Variants in APBA1 observed in about 807,000 individuals in gnomAD.
APBA1 encodes amyloid-beta A4 precursor protein-binding family A member 1.
Under a neutral mutation model 86.6 loss-of-function variants are expected in APBA1, and 55 were observed. That is an observed-to-expected ratio of 0.64 (90% CI 0.51 to 0.80). The LOEUF is 0.80. APBA1 is among the 30% of genes least tolerant of loss of function. The probability of loss-of-function intolerance (pLI) is 0.00; values close to 1 mark genes in which losing one functional copy is unlikely to be tolerated. For missense variants in APBA1, 1,090 were observed against 1,183.0 expected (o/e 0.92, Z 1.15); for synonymous variants, 511 against 493.9 (o/e 1.03, Z -0.46).
At chr9:69,495,127 T>C (rs1835775124) in intron 2 of APBA1, among the ~76,000 whole-genome samples, 2 of 152,090 alleles carry the variant, frequency 1.3e-5, no homozygotes, top group African/African-American at 2.4e-5. Flanking sequence ...GCCTTTGCTC[T>C]GTCCTTACCA....
chr9:69,591,573 T>C (rs938851965), intron 1 of APBA1, among the ~76,000 whole-genome samples: 3 of 152,170 alleles, frequency 2.0e-5, no homozygotes, highest in Non-Finnish European at 1.5e-5. Flanking sequence ...AACCACCTGA[T>C]GGCAGGGCAC....
chr9:69,550,170 T>C (rs1836762411), intron 1 of APBA1, among the ~76,000 whole-genome samples: 1 of 152,220 alleles, frequency 6.6e-6, no homozygotes, highest in Non-Finnish European at 1.5e-5. Flanking sequence ...CTTTCATTTA[T>C]TTAGCTGTTT....
intron 2 of APBA1, among the ~76,000 whole-genome samples, chr9:69,483,149 A>G (rs1025304748): frequency 2.2e-4 from 33 of 150,308 alleles, no homozygotes; most frequent in Non-Finnish European, 1.5e-5. Context: ...AAAAACAAAA[A>G]AACGAAACAA....
At chr9:69,487,692 C>T (rs1260839186) in intron 2 of APBA1, among the ~76,000 whole-genome samples, 1 of 152,038 alleles carries the variant, frequency 6.6e-6, no homozygotes, top group East Asian at 1.9e-4. Context: ...TTGGCTGTCC[C>T]TCGTGAACCC....
At chr9:69,458,808 C>CTTTTTTTTTT (rs533176322) in intron 5 of APBA1, among the ~76,000 whole-genome samples, 1 of 140,480 alleles carries the variant, frequency 7.1e-6, no homozygotes, top group Admixed American at 7.1e-5. Flanking sequence ...CTTTTCTTTT[C>CTTTTTTTTTT]TTTTTTTTTT....
At chr9:69,653,148 G>A (rs1175235138) in intron 1 of APBA1, among the ~76,000 whole-genome samples, 1 of 152,048 alleles carries the variant, frequency 6.6e-6, no homozygotes, top group Non-Finnish European at 1.5e-5. Context: ...AAGAGCAGGA[G>A]TAGTTATACC....
intron 2 of APBA1, among the ~76,000 whole-genome samples, chr9:69,501,688 C>CATGATGGT (rs1259634131): frequency 6.6e-6 from 1 of 150,778 alleles, no homozygotes; most frequent in African/African-American, 2.4e-5. Flanking sequence ...ACTAGCTGGG[C>CATGATGGT]ATGATGGTAT....
At chr9:69,632,108 C>G (rs987417) in intron 1 of APBA1, among the ~76,000 whole-genome samples, 147,474 of 152,018 alleles carry the variant, frequency 0.97, 71,680 homozygotes, top group East Asian at 1. Flanking sequence ...AGCACCTTTT[C>G]TCTGAATAAC....
At chr9:69,514,817 G>A (rs935882657) in intron 2 of APBA1, among the ~76,000 whole-genome samples, 5 of 149,282 alleles carry the variant, frequency 3.3e-5, no homozygotes, top group Admixed American at 2.7e-4. Context: ...GACTGAGGTA[G>A]AATTGCTTGA....
chr9:69,450,056 G>GTTTTTTTTT (rs58417611), intron 9 of APBA1, among the ~76,000 whole-genome samples: 4 of 94,152 alleles, frequency 4.2e-5, no homozygotes, highest in African/African-American at 1.7e-4. Context: ...AGGACCACCA[G>GTTTTTTTTT]TTTTTTTTTT....
intron 1 of APBA1, among the ~76,000 whole-genome samples, chr9:69,666,791 A>C (rs1326657577): frequency 6.6e-6 from 1 of 152,220 alleles, no homozygotes; most frequent in Non-Finnish European, 1.5e-5. Flanking sequence ...GGTATGAATA[A>C]ATAGTTTTAA....
intron 1 of APBA1, among the ~76,000 whole-genome samples, chr9:69,617,910 G>A (rs1354778094): frequency 6.6e-6 from 1 of 152,058 alleles, no homozygotes; most frequent in Non-Finnish European, 1.5e-5. Flanking sequence ...CATAAAGCTA[G>A]CAGTGCTAAA....
rs1314089174 is a variant in APBA1, at chr9:69,516,779, G to A, written c.432C>T (p.Arg144=). ...GGAAGTGCAGGTGGTTGGGCAGCGC[G>A]CGGCGGTGCGTGGCCTCGGCGTGCT... ...EAEHAEATHR[R]ALPNHLHFHS... is the part of the protein sequence containing the mutation. Residue 144 remains arginine, a synonymous_variant, in exon 2 of 13, where the codon CGC becomes CGT. Coordinates refer to ENST00000265381, the MANE Select transcript of APBA1 (RefSeq NM_001163.4). The surrounding 1 kb of genome is among the most constrained non-coding windows in gnomAD (Gnocchi z 7.3). 3 of 1,610,992 alleles carry A rather than the reference G, an allele frequency of 1.9e-6. No individual in the cohort carries two copies. Among genetic ancestry groups the A allele is most frequent in the African/African-American group, 1.3e-5 (1 of 74,902 alleles).
intron 2 of APBA1, among the ~76,000 whole-genome samples, chr9:69,497,900 G>A (rs1835824890): frequency 6.6e-6 from 1 of 152,106 alleles, no homozygotes; most frequent in African/African-American, 2.4e-5. Context: ...GGTTGACAAG[G>A]TCAGTGGGAG....
At chr9:69,524,366 C>G (rs1393873696) in intron 1 of APBA1, among the ~76,000 whole-genome samples, 1 of 151,834 alleles carries the variant, frequency 6.6e-6, no homozygotes, top group African/African-American at 2.4e-5. Flanking sequence ...AAAGAAGATC[C>G]AAATAAATAC....
intron 7 of APBA1, 37 bp from the exon 8 acceptor site, chr9:69,456,469 AG>A: frequency 1.3e-6 from 2 of 1,539,004 alleles, no homozygotes; most frequent in Non-Finnish European, 1.7e-6. Flanking sequence ...AGTCCAGCTC[AG>A]CATCTAATGA....
intron 3 of APBA1, among the ~76,000 whole-genome samples, chr9:69,473,274 T>C (rs1307048673): frequency 2.0e-5 from 3 of 152,194 alleles, no homozygotes; most frequent in African/African-American, 7.2e-5. Context: ...AACAGCCAAA[T>C]CTGTCTAATT....
chr9:69,505,017 C>T (rs144446964), intron 2 of APBA1, among the ~76,000 whole-genome samples: 1,735 of 152,030 alleles, frequency 0.011, 15 homozygotes, highest in Middle Eastern at 0.02. Context: ...TGTTGGGGGG[C>T]GTCTACCGCA....
At chr9:69,538,598 C>T (rs1836550807) in intron 1 of APBA1, among the ~76,000 whole-genome samples, 1 of 152,146 alleles carries the variant, frequency 6.6e-6, no homozygotes. Context: ...CTCATCTGTG[C>T]CTGGCACACA....
Sources: allele counts gnomAD v4.1 joint callset (sites outside exome capture counted in the v4.1 genomes callset), GRCh38; gene constraint gnomAD v4.1.1; non-coding constraint Gnocchi (gnomAD v3.1); transcripts MANE v1.5; gene names NCBI Gene and HGNC (gene_info 2026-07-23, HGNC 2026-07-21).